The following EDNRA variants were observed in gnomAD, a reference collection of about 807,000 sequenced individuals.
EDNRA encodes endothelin-1 receptor.
A neutral mutation model predicts 41.4 loss-of-function variants in EDNRA; 11 were observed. The observed-to-expected ratio is 0.27, with a 90% CI of 0.17 to 0.44. The LOEUF (loss-of-function observed/expected upper bound fraction) is 0.44. Ranked by LOEUF, EDNRA falls within the 20% of genes least tolerant of loss-of-function variation. The pLI is 1.00. For missense variants in EDNRA, 294 were observed against 531.0 expected, an observed-to-expected ratio of 0.55 and a Z score of 4.39; for synonymous variants, 172 against 183.0, an observed-to-expected ratio of 0.94 and a Z score of 0.49.
chr4:147,507,688 T>C (rs1397243518), intron 2 of EDNRA, among the ~76,000 whole-genome samples: 1 of 152,216 alleles, frequency 6.6e-6, no homozygotes, highest in East Asian at 1.9e-4. Context: ...AATTAGTATA[T>C]GTGAAACTGG....
At position 147,544,549 on chromosome 4, in the gene EDNRA, G is replaced by A. The variant is rs1731225858; in HGVS notation, c.*1931G>A. The A allele has an allele frequency of 6.6e-6, 1 of 152,606 alleles. No individual in the cohort carries two copies. 9.5% of individuals were successfully genotyped at this position (152,606 alleles called of 1,614,324 possible). ...TTTTAGGACAGGTAAAATAACATCA[G>A]GTTCCAGTTGCTTGAATTGCAAGGC... On this transcript the variant is annotated 3_prime_UTR_variant, in exon 8 of 8. Coordinates refer to ENST00000651419, the MANE Select transcript of EDNRA (RefSeq NM_001957.4).
chr4:147,516,682 C>T (rs182038498), intron 2 of EDNRA, among the ~76,000 whole-genome samples: 32 of 152,222 alleles, frequency 2.1e-4, no homozygotes, highest in African/African-American at 6.5e-4. Flanking sequence ...TGAACCAATA[C>T]GACTCGTCAG....
At chr4:147,507,291 TG>T (rs1729752214) in intron 2 of EDNRA, among the ~76,000 whole-genome samples, 1 of 151,740 alleles carries the variant, frequency 6.6e-6, no homozygotes, top group Non-Finnish European at 1.5e-5. Flanking sequence ...ACAACTCAGA[TG>T]TTCTTCAATG....
rs1731184764 is a variant in EDNRA, at chr4:147,543,495, A to G, written c.*877A>G. 1 of 152,204 alleles carries G rather than the reference A, an allele frequency of 6.6e-6. No homozygotes were observed. Among genetic ancestry groups the G allele is most frequent in the East Asian group, 1.9e-4 (1 of 5,200 alleles). 9.4% of individuals were successfully genotyped at this position (152,204 alleles called of 1,614,324 possible). ...TTTTCATGTAAATTTTGTATGAAAA[A>G]TCAATGTCAAGTACCAAAATGTTAA... On this transcript the variant is annotated 3_prime_UTR_variant, in exon 8 of 8. Coordinates refer to ENST00000651419, the MANE Select transcript of EDNRA (RefSeq NM_001957.4).
chr4:147,523,576 C>T (rs1237144070), intron 3 of EDNRA, among the ~76,000 whole-genome samples: 3 of 151,102 alleles, frequency 2.0e-5, no homozygotes, highest in African/African-American at 7.3e-5. Flanking sequence ...CTGCAAGCTC[C>T]GCCTCCCAGG....
chr4:147,537,612 G>T (rs5013937), intron 5 of EDNRA, among the ~76,000 whole-genome samples: 51,425 of 151,680 alleles, frequency 0.34, 10,337 homozygotes, highest in African/African-American at 0.57. Context: ...ATTGTGGAAA[G>T]AAATAATTGT....
intron 2 of EDNRA, among the ~76,000 whole-genome samples, chr4:147,505,568 C>T (rs946040072): frequency 2.2e-4 from 33 of 150,486 alleles, no homozygotes; most frequent in Non-Finnish European, 2.7e-4. Context: ...TCTCGAACCC[C>T]AGGCCTCAGG....
rs1265918588 is a variant in EDNRA, at chr4:147,544,678, ATTTTGTTTAGACAATTGTCT to A, written c.*2065_*2084del. 1 of 152,408 alleles carries A rather than the reference ATTTTGTTTAGACAATTGTCT, an allele frequency of 6.6e-6. No homozygotes were observed. Among genetic ancestry groups the A allele is most frequent in the African/African-American group, 2.4e-5 (1 of 41,436 alleles). 9.4% of individuals were successfully genotyped at this position (152,408 alleles called of 1,614,324 possible). A position where few individuals can be genotyped will look rare whatever the true frequency, so the allele number is the denominator to read the frequency against. On this transcript the variant is annotated 3_prime_UTR_variant, in exon 8 of 8. Transcript: ENST00000651419. ...ATAATATAAGCCATAGGTTCACACCATTTTGTTTAGACAATTGTCTTTTTTTCAAGATGCTTTGTTTCTTT... is the reference window on the plus strand; with the variant it reads ...ATAATATAAGCCATAGGTTCACACCATTTTTTCAAGATGCTTTGTTTCTTT...
At chr4:147,528,078 G>C (rs1730614305) in intron 3 of EDNRA, among the ~76,000 whole-genome samples, 1 of 152,136 alleles carries the variant, frequency 6.6e-6, no homozygotes. Context: ...AGCCAATTAA[G>C]GTAAGGTAAG....
At chr4:147,515,782 C>T (rs1369451157) in intron 2 of EDNRA, among the ~76,000 whole-genome samples, 3 of 152,182 alleles carry the variant, frequency 2.0e-5, no homozygotes, top group East Asian at 1.9e-4. Flanking sequence ...TGAGATCTTG[C>T]ATTGCACTAA....
chr4:147,538,642 CTGAAGATT>C (rs1383908325), intron 5 of EDNRA, among the ~76,000 whole-genome samples: 2 of 152,156 alleles, frequency 1.3e-5, no homozygotes, highest in Non-Finnish European at 2.9e-5. Context: ...GCCCCCATTC[CTGAAGATT>C]TGAATATTTT....
rs150948757 is a variant in EDNRA at position 147,497,817 on chromosome 4, C to T, written c.420+11716C>T. The stretch of plus-strand genomic sequence containing the variant: ...TGCATCTCCTGACCTCGTGATCCGC[C>T]CACCTCGGCCTCCAAAGTGCTGGGA... On this transcript the variant is annotated intron_variant, in intron 2 of 7. Coordinates refer to ENST00000651419, the MANE Select transcript of EDNRA (RefSeq NM_001957.4). Among the ~76,000 whole-genome samples, 1,382 of 152,290 alleles carry T rather than the reference C, an allele frequency of 9.1e-3. 10 individuals carry two copies. Among genetic ancestry groups the T allele is most frequent in the Middle Eastern group, 0.031 (9 of 294 alleles).
At chr4:147,518,419 T>C (rs545798546) in intron 2 of EDNRA, among the ~76,000 whole-genome samples, 1 of 152,292 alleles carries the variant, frequency 6.6e-6, no homozygotes, top group Admixed American at 6.5e-5. Flanking sequence ...TATAGTGAGA[T>C]GAAGAAGAAA....
intron 2 of EDNRA, among the ~76,000 whole-genome samples, chr4:147,497,787 C>T (rs563701202): frequency 3.0e-4 from 46 of 152,124 alleles, no homozygotes; most frequent in Non-Finnish European, 5.0e-4. Context: ...TTAGCCAGGA[C>T]GGTCTGCATC....
Position 147,486,183 on chromosome 4 carries a change from C to A in EDNRA, c.420+82C>A. 6.9e-7 allele frequency: 1 copy of A among 1,457,112 alleles called. No homozygotes were observed. The highest frequency in any genetic ancestry group is 9.2e-7 in the Non-Finnish European group (1 of 1,088,594). The allele number at this position is 1,457,112 out of a possible 1,614,324, so 90.3% of individuals were successfully genotyped here. On this transcript the variant is annotated intron_variant, in intron 2 of 7. Transcript: ENST00000651419. The surrounding 1 kb of genome is among the most constrained non-coding windows in gnomAD (Gnocchi z 4.3). ...GGAGAGTTGCTGCAGACTTTTCTGA[C>A]CTTTGGAATTTTATCTGTGTTTTTA...
chr4:147,521,729 A>C (rs940257834), intron 3 of EDNRA, among the ~76,000 whole-genome samples: 2 of 152,228 alleles, frequency 1.3e-5, no homozygotes, highest in African/African-American at 2.4e-5. Flanking sequence ...TCTTTCAGAG[A>C]TGTAACCATG....
chr4:147,517,070 GC>G (rs573514585), intron 2 of EDNRA, among the ~76,000 whole-genome samples: 10 of 152,112 alleles, frequency 6.6e-5, no homozygotes, highest in African/African-American at 2.4e-4. Context: ...AACAGTGGTT[GC>G]CTTTGGGCAG....
In EDNRA at chr4:147,542,427, C is replaced by T. The variant is rs1214349940; in HGVS notation, c.1144-51C>T. On this transcript the variant is annotated intron_variant, in intron 7 of 7. Coordinates refer to ENST00000651419, the MANE Select transcript of EDNRA (RefSeq NM_001957.4). The stretch of plus-strand genomic sequence containing the variant: ...ATGGCCCAGGGCCGCTGTGTTTGGC[C>T]GGGAATGGGCTGGTAGGCTCGCCTT... The T allele has an allele frequency of 5.0e-6, 8 of 1,610,318 alleles. No individual in the cohort carries two copies. In the African/African-American group the frequency reaches 5.3e-5, roughly 11 times the overall value.
intron 3 of EDNRA, among the ~76,000 whole-genome samples, chr4:147,523,144 T>C (rs1049771786): frequency 6.6e-6 from 1 of 152,236 alleles, no homozygotes; most frequent in Non-Finnish European, 1.5e-5. Context: ...AGGTTCTATG[T>C]AGATGAAGCC....
Sources: gnomAD v4.1 joint callset for allele counts (sites outside exome capture counted in the v4.1 genomes callset) on GRCh38, gnomAD v4.1.1 for gene constraint, Gnocchi (gnomAD v3.1) non-coding constraint, MANE v1.5 for transcripts, NCBI Gene and HGNC (gene_info 2026-07-23, HGNC 2026-07-21) for gene names.